The following GRID2 variants were observed in gnomAD, a reference collection of about 807,000 sequenced individuals.
GRID2 encodes glutamate ionotropic receptor delta type subunit 2, also known as glutamate receptor ionotropic, delta-2.
A neutral mutation model predicts 114.8 loss-of-function variants in GRID2; 33 were observed. The ratio of observed to expected loss-of-function variants is 0.29; its 90% CI spans 0.22 to 0.38. GRID2 has a LOEUF of 0.38. GRID2 is among the 10% of genes least tolerant of loss of function. The pLI is 1.00. For missense variants in GRID2, 1,184 were observed against 1,257.7 expected, an observed-to-expected ratio of 0.94 and a Z score of 0.89; for synonymous variants, 505 against 449.9, an observed-to-expected ratio of 1.12 and a Z score of -1.55.
At chr4:93,194,541 T>G (rs1195299125) in intron 4 of GRID2, among the ~76,000 whole-genome samples, 1 of 152,184 alleles carries the variant, frequency 6.6e-6, no homozygotes, top group African/African-American at 2.4e-5. Flanking sequence ...GGCATACTTT[T>G]CATAATCCTA....
intron 2 of GRID2, among the ~76,000 whole-genome samples, chr4:92,753,161 T>G (rs1229026135): frequency 6.6e-6 from 1 of 152,160 alleles, no homozygotes; most frequent in Non-Finnish European, 1.5e-5. Context: ...CAAAGAATAA[T>G]TGAAACCAAT....
At chr4:93,134,239 A>G (rs780704482) in intron 4 of GRID2, among the ~76,000 whole-genome samples, 13 of 152,196 alleles carry the variant, frequency 8.5e-5, no homozygotes, top group Non-Finnish European at 1.3e-4. Flanking sequence ...CTGTGGAGAA[A>G]GAATAAGTGG....
intron 1 of GRID2, among the ~76,000 whole-genome samples, chr4:92,508,330 A>C (rs537080004): frequency 6.6e-6 from 1 of 152,090 alleles, no homozygotes; most frequent in Non-Finnish European, 1.5e-5. Context: ...CTAGTGCTTA[A>C]GGTATGGCAG....
At chr4:92,556,978 C>T (rs567369919) in intron 1 of GRID2, among the ~76,000 whole-genome samples, 65 of 152,240 alleles carry the variant, frequency 4.3e-4, no homozygotes, top group East Asian at 3.5e-3. Context: ...TCAGCTCTTA[C>T]TAATAAGGAC....
At chr4:93,616,970 C>T (rs1479639270) in intron 13 of GRID2, among the ~76,000 whole-genome samples, 11 of 147,258 alleles carry the variant, frequency 7.5e-5, no homozygotes, top group Admixed American at 4.1e-4. Flanking sequence ...CCAGCCTGGG[C>T]GACAGAATGA....
At chr4:93,072,160 G>A (rs905680590) in intron 2 of GRID2, among the ~76,000 whole-genome samples, 3 of 151,880 alleles carry the variant, frequency 2.0e-5, no homozygotes, top group African/African-American at 7.2e-5. Flanking sequence ...CCTGCACAAT[G>A]AGAAAAAGCC....
chr4:92,951,169 C>T (rs886462382), intron 2 of GRID2, among the ~76,000 whole-genome samples: 1 of 152,028 alleles, frequency 6.6e-6, no homozygotes, highest in African/African-American at 2.4e-5. Context: ...GTTTTCACTA[C>T]TGTTTATTAT....
At chr4:93,246,480 G>A (rs907425821) in intron 8 of GRID2, among the ~76,000 whole-genome samples, 34 of 151,432 alleles carry the variant, frequency 2.2e-4, no homozygotes, top group East Asian at 1.2e-3. Context: ...CCAGCTACTC[G>A]GGAGGCTGAG....
At chr4:92,339,741 C>T (rs1012422133) in intron 1 of GRID2, among the ~76,000 whole-genome samples, 5 of 152,078 alleles carry the variant, frequency 3.3e-5, no homozygotes, top group Non-Finnish European at 7.4e-5. Flanking sequence ...TGTTATGGAT[C>T]CTACTGAATC....
intron 1 of GRID2, among the ~76,000 whole-genome samples, chr4:92,381,341 T>C (rs1297470957): frequency 2.6e-5 from 4 of 152,024 alleles, no homozygotes; most frequent in African/African-American, 7.2e-5. Context: ...ACTTCTAATA[T>C]GTACTTTACA....
intron 3 of GRID2, among the ~76,000 whole-genome samples, chr4:93,088,998 T>G (rs1018954617): frequency 3.9e-5 from 6 of 152,098 alleles, no homozygotes; most frequent in Non-Finnish European, 8.8e-5. Flanking sequence ...GTTCTAAGTG[T>G]TTTACATGTA....
chr4:93,768,670 C>G (rs550383736), intron 14 of GRID2, among the ~76,000 whole-genome samples: 43 of 152,294 alleles, frequency 2.8e-4, no homozygotes, highest in Non-Finnish European at 4.7e-4. Flanking sequence ...AAGGCTTCCT[C>G]TCACACTGTG....
chr4:92,376,203 A>C (rs1444024833), intron 1 of GRID2, among the ~76,000 whole-genome samples: 6 of 152,110 alleles, frequency 3.9e-5, no homozygotes, highest in Admixed American at 3.9e-4. Context: ...CCAGCTACTC[A>C]GAAGTCTGAG....
intron 1 of GRID2, among the ~76,000 whole-genome samples, chr4:92,489,986 G>A (rs1723078206): frequency 6.6e-6 from 1 of 152,064 alleles, no homozygotes; most frequent in Non-Finnish European, 1.5e-5. Context: ...TCCAAACAAG[G>A]AAACTAAAAA....
chr4:93,660,432 G>A (rs993394842), intron 14 of GRID2, among the ~76,000 whole-genome samples: 1 of 152,006 alleles, frequency 6.6e-6, no homozygotes, highest in Non-Finnish European at 1.5e-5. Context: ...AGAGAGGTAC[G>A]ATTTAATTCA....
intron 8 of GRID2, among the ~76,000 whole-genome samples, chr4:93,380,689 C>A (rs1763768813): frequency 6.6e-6 from 1 of 151,918 alleles, no homozygotes; most frequent in African/African-American, 2.4e-5. Flanking sequence ...CTAATAGAAG[C>A]CTTAGATGTC....
chr4:93,594,149 A>G (rs1738753082), intron 13 of GRID2, among the ~76,000 whole-genome samples: 1 of 151,964 alleles, frequency 6.6e-6, no homozygotes, highest in Non-Finnish European at 1.5e-5. Context: ...TAGAGTTTCC[A>G]GTTTTTCTGT....
At chr4:92,794,876 A>T (rs767927217) in intron 2 of GRID2, among the ~76,000 whole-genome samples, 1,904 of 105,344 alleles carry the variant, frequency 0.018, 12 homozygotes, top group Non-Finnish European at 0.03. Flanking sequence ...TAATTGTTTT[A>T]TATATATATA....
At chr4:92,437,972 AT>A (rs1283539474) in intron 1 of GRID2, among the ~76,000 whole-genome samples, 5 of 151,692 alleles carry the variant, frequency 3.3e-5, no homozygotes, top group African/African-American at 1.2e-4. Flanking sequence ...CCAAGATTAC[AT>A]GCATTTTTTA....
Sources: gnomAD v4.1 joint callset for allele counts (sites outside exome capture counted in the v4.1 genomes callset) on GRCh38, gnomAD v4.1.1 for gene constraint, MANE v1.5 for transcripts, NCBI Gene and HGNC (gene_info 2026-07-23, HGNC 2026-07-21) for gene names.